The following PPP1R18 variants were observed in gnomAD, a reference collection of about 807,000 sequenced individuals.
The protein encoded by PPP1R18 is phostensin.
In PPP1R18, 31 loss-of-function variants were observed where a neutral mutation model predicts 54.8. That is an observed-to-expected ratio of 0.57 (90% CI 0.43 to 0.76). The LOEUF is 0.76. Ranked by LOEUF, PPP1R18 falls within the 30% of genes least tolerant of loss-of-function variation. PPP1R18 has a pLI of 0.00. For missense variants in PPP1R18, 685 were observed against 776.1 expected (o/e 0.88, Z 1.39); for synonymous variants, 310 against 320.2 (o/e 0.97, Z 0.34).
In PPP1R18 at chr6:30,679,201, C is replaced by T; in HGVS notation, c.1800G>A (p.Leu600=). The T allele has an allele frequency of 1.9e-6, 3 of 1,590,902 alleles. No homozygotes were observed. Among genetic ancestry groups the T allele is most frequent in the Non-Finnish European group, 2.6e-6 (3 of 1,172,940 alleles). The part of the protein sequence containing the change: ...LLLQPELQGG[L]RTKALIVDES... ...TACCCACAATCAGGGCCTTGGTGCG[C>T]AGCCCGCCCTGGAGCTCTGGCTGCA... Residue 600 remains leucine (L), a synonymous_variant, in exon 2 of 3, where the codon CTG becomes CTA. Coordinates refer to ENST00000274853, the MANE Select transcript of PPP1R18 (RefSeq NM_133471.4).
rs9262144 is a variant in PPP1R18 at position 30,685,355 on chromosome 6, T to C, written c.664A>G (p.Arg222Gly). Reference protein sequence around the residue: ...QSPRRKEVESRLSPGESAYQK... With the variant: ...QSPRRKEVESGLSPGESAYQK... Reference sequence around the variant, plus strand: ...TAGGCAGATTCCCCTGGGCTCAGTCTACTTTCCACCTCTTTTCTCCTGGGG... The same window carrying C: ...TAGGCAGATTCCCCTGGGCTCAGTCCACTTTCCACCTCTTTTCTCCTGGGG... Residue 222 changes from arginine (R) to glycine (G), a missense_variant, in exon 1 of 3, where the codon AGA (arginine) becomes GGA (glycine). Coordinates refer to ENST00000274853, the MANE Select transcript of PPP1R18 (RefSeq NM_133471.4). This position sits in a 1 kb window ranked among gnomAD's most constrained non-coding sequence, Gnocchi z 5.0. The C allele has an allele frequency of 1.2e-6, 2 of 1,613,000 alleles. No homozygotes were observed. The highest frequency in any genetic ancestry group is 1.7e-6 in the Non-Finnish European group (2 of 1,180,044).
In PPP1R18 at chr6:30,680,083, G is replaced by A. The variant is rs3129994; in HGVS notation, c.1612-694C>T. 6.8e-3 allele frequency among the ~76,000 whole-genome samples: 1,030 copies of A among 152,260 alleles called. 10 individuals are homozygous for A. Among genetic ancestry groups the A allele is most frequent in the Admixed American group, 9.6e-3 (146 of 15,286 alleles). ...GCAACACACAGGGGAAAGATGAGCC[G>A]CTGACACCCTGAAGGCTGGGGGAGA... On this transcript the variant is annotated intron_variant, in intron 1 of 2. Coordinates refer to ENST00000274853, the MANE Select transcript of PPP1R18 (RefSeq NM_133471.4).
chr6:30,677,184 C>G lies in PPP1R18; in HGVS notation c.*85G>C. ...TGCCCTTCCCTGCCAGGCTCATTAT[C>G]AGGGTCTGTCTGCCCTGAATCTTCC... is the stretch of plus-strand genomic sequence containing the variant. On this transcript the variant is annotated 3_prime_UTR_variant, in exon 3 of 3. Coordinates refer to ENST00000274853, the MANE Select transcript of PPP1R18 (RefSeq NM_133471.4). The G allele has an allele frequency of 1.5e-6, 2 of 1,291,844 alleles. No homozygotes were observed. The highest frequency in any genetic ancestry group is 3.7e-4 in the Middle Eastern group (2 of 5,442). The allele number at this position is 1,291,844 out of a possible 1,614,324, so 80.0% of individuals were successfully genotyped here.
chr6:30,678,020 C>G (rs986091168), intron 2 of PPP1R18, among the ~76,000 whole-genome samples: 3 of 151,462 alleles, frequency 2.0e-5, no homozygotes, highest in African/African-American at 7.3e-5. Flanking sequence ...AAGTGATTCT[C>G]CTGCCTCAGA....
chr6:30,687,374 A>T (rs968373784), upstream of PPP1R18: 1 of 152,760 alleles, frequency 6.5e-6, no homozygotes, highest in African/African-American at 2.4e-5. The surrounding 1 kb of genome is among the most constrained non-coding windows in gnomAD (Gnocchi z 7.9). Flanking sequence ...CGGGGCCTAG[A>T]TCCCTCCCAC....
rs747048368 is a variant in PPP1R18 at position 30,684,623 on chromosome 6, G to A, written c.1396C>T (p.Arg466Cys). The A allele has an allele frequency of 9.0e-6, 14 of 1,548,072 alleles. No homozygotes were observed. The highest frequency in any genetic ancestry group is 1.2e-5 in the South Asian group (1 of 83,332). ...VKAGPGVGAP[R>C]RSGHTFTVNP... ...ACGGTGAAGGTGTGTCCACTGCGGC[G>A]GGGGGCCCCCACCCCTGGCCCTGCC... Residue 466 changes from arginine (R) to cysteine (C), a missense_variant, in exon 1 of 3, where the codon CGC becomes TGC. Transcript: ENST00000274853. This position sits in a 1 kb window ranked among gnomAD's most constrained non-coding sequence, Gnocchi z 6.0.
chr6:30,682,640 A>G (rs868568197), intron 1 of PPP1R18, among the ~76,000 whole-genome samples: 1 of 136,676 alleles, frequency 7.3e-6, no homozygotes, highest in Non-Finnish European at 1.5e-5. Flanking sequence ...CTGCTTCCTT[A>G]TTCTCTCACC....
rs1289914029 is a variant in PPP1R18 at position 30,684,892 on chromosome 6, C to T, written c.1127G>A (p.Gly376Glu). 2 of 1,612,946 alleles carry T rather than the reference C, an allele frequency of 1.2e-6. No homozygotes were observed. The stretch of plus-strand genomic sequence containing the variant: ...CCCCGCCTCCTCCTTCTCAGCCTCC[C>T]CTTCTCCAGCCTCCACACCGGGAGA... Reference protein sequence around the residue: ...LESPGVEAGEGEAEKEEAGAQ... With the variant: ...LESPGVEAGEEEAEKEEAGAQ... The change falls in exon 1 of 3, where the codon GGG becomes GAG. Residue 376 changes from glycine to glutamate, a missense_variant. By Grantham distance (98) the Gly-to-Glu change is moderately conservative. Coordinates refer to ENST00000274853, the MANE Select transcript of PPP1R18 (RefSeq NM_133471.4). This position sits in a 1 kb window ranked among gnomAD's most constrained non-coding sequence, Gnocchi z 6.0.
intron 1 of PPP1R18, among the ~76,000 whole-genome samples, chr6:30,682,947 C>T (rs779283617): frequency 6.6e-6 from 1 of 152,310 alleles, no homozygotes; most frequent in South Asian, 2.1e-4. Flanking sequence ...ACACCTCACC[C>T]GGGTAGCATT....
chr6:30,679,216 C>G lies in PPP1R18; in HGVS notation c.1785G>C (p.Glu595Asp), dbSNP rs1303858095. Residue 595 changes from glutamate to aspartate, a missense_variant, in exon 2 of 3, where the codon GAG becomes GAC. Transcript: ENST00000274853. ...DEEELLLLQPELQGGLRTKAL... is the reference protein window; with the variant it reads ...DEEELLLLQPDLQGGLRTKAL... ...CCTTGGTGCGCAGCCCGCCCTGGAG[C>G]TCTGGCTGCAGCAGCAGCAGCTCTT... The G allele has an allele frequency of 1.3e-6, 2 of 1,587,312 alleles. No homozygotes were observed. The highest frequency in any genetic ancestry group is 1.7e-6 in the Non-Finnish European group (2 of 1,168,682).
chr6:30,680,801 C>A (rs1016564578), intron 1 of PPP1R18, among the ~76,000 whole-genome samples: 2 of 152,022 alleles, frequency 1.3e-5, no homozygotes, highest in South Asian at 2.1e-4. Flanking sequence ...AAAGTCTACT[C>A]CAGGCTGGGC....
chr6:30,683,085 A>T lies in PPP1R18; in HGVS notation c.1611+1323T>A, dbSNP rs1054612050. 6.6e-6 allele frequency among the ~76,000 whole-genome samples: 1 copy of T among 152,202 alleles called. No individual in the cohort carries two copies. Among genetic ancestry groups the T allele is most frequent in the African/African-American group, 2.4e-5 (1 of 41,452 alleles). On this transcript the variant is annotated intron_variant, in intron 1 of 2. Coordinates refer to ENST00000274853, the MANE Select transcript of PPP1R18 (RefSeq NM_133471.4). This position sits in a 1 kb window ranked among gnomAD's most constrained non-coding sequence, Gnocchi z 5.1. ...GAGCTTACGCTTCATGTGAAGATGA[A>T]TTGGGGGATCAAATGAACCCCCCTC...
chr6:30,685,952 G>A lies in PPP1R18; in HGVS notation c.67C>T (p.Arg23Ter), dbSNP rs368304755. Reference protein sequence around the residue: ...ARRRQEEASVRGREKAERERL... With the variant: ...ARRRQEEASV ...TCCCGTTCTGCTTTCTCTCGGCCTC[G>A]AACGGACGCCTCCTCCTGCCGGCGC... The change falls in exon 1 of 3, where the codon CGA (arginine) becomes TGA (stop). Residue 23 changes from arginine (R) to a stop codon, truncating the protein, a stop_gained. Coordinates refer to ENST00000274853, the MANE Select transcript of PPP1R18 (RefSeq NM_133471.4). LOFTEE classifies it high-confidence loss of function. The surrounding 1 kb of genome is among the most constrained non-coding windows in gnomAD (Gnocchi z 5.0). 6 of 1,604,610 alleles carry A rather than the reference G, an allele frequency of 3.7e-6. No homozygotes were observed. The highest frequency in any genetic ancestry group is 1.7e-5 in the Admixed American group (1 of 59,662).
chr6:30,684,620 G>T lies in PPP1R18; in HGVS notation c.1399C>A (p.Arg467Ser). ...KAGPGVGAPR[R>S]SGHTFTVNPR... ...TTGACGGTGAAGGTGTGTCCACTGCGGCGGGGGGCCCCCACCCCTGGCCCT... is the reference window on the plus strand; with the variant it reads ...TTGACGGTGAAGGTGTGTCCACTGCTGCGGGGGGCCCCCACCCCTGGCCCT... Residue 467 changes from arginine (R) to serine (S), a missense_variant, in exon 1 of 3, where the codon CGC (arginine) becomes AGC (serine). By Grantham distance (110) the Arg-to-Ser change is moderately radical. Coordinates refer to ENST00000274853, the MANE Select transcript of PPP1R18 (RefSeq NM_133471.4). The surrounding 1 kb of genome is among the most constrained non-coding windows in gnomAD (Gnocchi z 6.0). The T allele has an allele frequency of 6.4e-7, 1 of 1,556,346 alleles. No individual in the cohort carries two copies. Among genetic ancestry groups the T allele is most frequent in the African/African-American group, 1.4e-5 (1 of 73,956 alleles).
intron 2 of PPP1R18, 107 bp from the exon 3 acceptor site, chr6:30,677,395 TATA>T: frequency 1.1e-6 from 1 of 882,718 alleles, no homozygotes; most frequent in Non-Finnish European, 1.8e-6. Context: ...CAGGAAGTCC[TATA>T]ATATCTTCCA....
intron 2 of PPP1R18, 63 bp from the exon 3 acceptor site, chr6:30,677,351 TC>T (rs3214090): frequency 0.023 from 32,389 of 1,399,714 alleles, 1,141 homozygotes; most frequent in African/African-American, 0.12. Flanking sequence ...TGCCCACCCT[TC>T]CCCCCCACAC....
rs753123312 is a variant in PPP1R18 at position 30,685,130 on chromosome 6, C to T, written c.889G>A (p.Glu297Lys). ...VAPKETAELS[E>K]TLTREAQGNS... Reference sequence around the variant, plus strand: ...CCTTGGGCCTCCCTTGTCAGGGTCTCGGACAGCTCTGCAGTCTCTTTTGGA... The same window carrying T: ...CCTTGGGCCTCCCTTGTCAGGGTCTTGGACAGCTCTGCAGTCTCTTTTGGA... Residue 297 changes from glutamate to lysine, a missense_variant, in exon 1 of 3, where the codon GAG becomes AAG. By Grantham distance (56) the Glu-to-Lys change is moderately conservative (BLOSUM62 1). Coordinates refer to ENST00000274853, the MANE Select transcript of PPP1R18 (RefSeq NM_133471.4). The surrounding 1 kb of genome is among the most constrained non-coding windows in gnomAD (Gnocchi z 5.0). The T allele has an allele frequency of 3.3e-5, 53 of 1,613,016 alleles. No individual in the cohort carries two copies. Among genetic ancestry groups the T allele is most frequent in the Non-Finnish European group, 4.2e-5 (50 of 1,180,034 alleles).
rs755235550 is a variant in PPP1R18, at chr6:30,685,086, C to T, written c.933G>A (p.Val311=). 6.2e-7 allele frequency: 1 copy of T among 1,613,232 alleles called. No homozygotes were observed. The highest frequency in any genetic ancestry group is 8.5e-7 in the Non-Finnish European group (1 of 1,180,022). ...CCACAGGCCTCTGCTCTGCTGCCTC[C>T]ACTCCTGCGGAACTGTTGCCTTGGG... The part of the protein sequence containing the change: ...REAQGNSSAG[V]EAAEQRPVED... The change falls in exon 1 of 3, where the codon GTG becomes GTA. Residue 311 remains valine, a synonymous_variant. Coordinates refer to ENST00000274853, the MANE Select transcript of PPP1R18 (RefSeq NM_133471.4). This position sits in a 1 kb window ranked among gnomAD's most constrained non-coding sequence, Gnocchi z 5.0.
At position 30,686,113 on chromosome 6, in the gene PPP1R18, G is replaced by GGGAGGAGAGGAAGTGGA; in HGVS notation, c.-112_-96dup. 1 of 1,314,932 alleles carries GGGAGGAGAGGAAGTGGA rather than the reference G, an allele frequency of 7.6e-7. No homozygotes were observed. The highest frequency in any genetic ancestry group is 1.0e-6 in the Non-Finnish European group (1 of 966,080). 81.5% of individuals were successfully genotyped at this position (1,314,932 alleles called of 1,614,324 possible). A position where few individuals can be genotyped will look rare whatever the true frequency, so the allele number is the denominator to read the frequency against. ...ACAGCCCGGGGGTGAGACTGAGGGT[G>GGGAGGAGAGGAAGTGGA]GGAGGAGAGGAAGTGGAGGGGGAGA... On this transcript the variant is annotated 5_prime_UTR_variant, in exon 1 of 3. Transcript: ENST00000274853.
Sources: allele counts gnomAD v4.1 joint callset (sites outside exome capture counted in the v4.1 genomes callset), GRCh38; gene constraint gnomAD v4.1.1; non-coding constraint Gnocchi (gnomAD v3.1); transcripts MANE v1.5; gene names NCBI Gene and HGNC (gene_info 2026-07-23, HGNC 2026-07-21).